The following KREMEN1 variants were observed in gnomAD, a reference collection of about 807,000 sequenced individuals.
KREMEN1 encodes kremen protein 1.
A neutral mutation model predicts 46.5 loss-of-function variants in KREMEN1; 30 were observed. The ratio of observed to expected loss-of-function variants is 0.65; its 90% CI spans 0.48 to 0.88. KREMEN1 has a LOEUF of 0.88. Among genes scored for constraint, KREMEN1 ranks in the 40% least tolerant of loss-of-function variants. KREMEN1 has a pLI of 0.00. For synonymous variants in KREMEN1, 214 were observed against 230.6 expected, an observed-to-expected ratio of 0.93 and a Z score of 0.65; for missense variants, 533 against 596.9, an observed-to-expected ratio of 0.89 and a Z score of 1.11.
rs549353374 is a variant in KREMEN1, at chr22:29,144,582, T to C, written c.*2470T>C. Reference sequence around the variant, plus strand: ...AACACGTGCAGTCTCCCCTCCAAGCTATTCATGCTGTTTGTGGAATCTCTC... The same window carrying C: ...AACACGTGCAGTCTCCCCTCCAAGCCATTCATGCTGTTTGTGGAATCTCTC... On this transcript the variant is annotated 3_prime_UTR_variant, in exon 9 of 9. Transcript: ENST00000400335. 3 of 985,434 alleles carry C rather than the reference T, an allele frequency of 3.0e-6. No individual in the cohort carries two copies. Among genetic ancestry groups the C allele is most frequent in the African/African-American group, 3.5e-5 (2 of 57,254 alleles). 61.0% of individuals were successfully genotyped at this position (985,434 alleles called of 1,614,324 possible).
chr22:29,131,769 T>C (rs913795892), intron 5 of KREMEN1, among the ~76,000 whole-genome samples: 7 of 127,580 alleles, frequency 5.5e-5, no homozygotes, highest in African/African-American at 2.0e-4. Flanking sequence ...TATATATATG[T>C]ATATATATAT....
At chr22:29,166,049 C>T (rs1203359857) in intron 9 of KREMEN1, among the ~76,000 whole-genome samples, 3 of 152,166 alleles carry the variant, frequency 2.0e-5, no homozygotes, top group Non-Finnish European at 4.4e-5. Context: ...AGACCTATCC[C>T]CTCACCACAC....
intron 3 of KREMEN1, among the ~76,000 whole-genome samples, chr22:29,110,581 G>C (rs1387190520): frequency 6.6e-6 from 1 of 152,188 alleles, no homozygotes; most frequent in Non-Finnish European, 1.5e-5. Flanking sequence ...AGGATTTTTA[G>C]GAACTCTTAC....
rs2038424920 is a variant in KREMEN1 at position 29,125,346 on chromosome 22, A to G, written c.561A>G (p.Glu187=). The part of the protein sequence containing the change: ...YWKYGEAAST[E]CNSVCFGDHT... ...AGTACGGGGAGGCAGCCAGTACCGA[A>G]TGCAACAGCGTCTGCTTCGGGGATC... Residue 187 remains glutamate (E), a synonymous_variant, in exon 5 of 9, where the codon GAA becomes GAG. Transcript: ENST00000400335. 6.2e-7 allele frequency: 1 copy of G among 1,614,146 alleles called. No individual in the cohort carries two copies. The highest frequency in any genetic ancestry group is 1.3e-5 in the African/African-American group (1 of 75,028).
chr22:29,076,466 C>T (rs1212899661), intron 1 of KREMEN1, among the ~76,000 whole-genome samples: 2 of 152,202 alleles, frequency 1.3e-5, no homozygotes, highest in Non-Finnish European at 2.9e-5. Context: ...TACTTGCATA[C>T]TCTGAGTATT....
At chr22:29,097,966 G>T (rs2037908098) in intron 2 of KREMEN1, among the ~76,000 whole-genome samples, 1 of 152,148 alleles carries the variant, frequency 6.6e-6, no homozygotes, top group Non-Finnish European at 1.5e-5. Flanking sequence ...CAGATCACTT[G>T]AGGTCAGGAG....
chr22:29,148,011 A>G (rs1217056419), downstream of KREMEN1, among the ~76,000 whole-genome samples: 1 of 152,108 alleles, frequency 6.6e-6, no homozygotes, highest in Non-Finnish European at 1.5e-5. Flanking sequence ...TTCATTCTAG[A>G]ATAGAGGTGG....
At chr22:29,102,785 C>A (rs1159402416) in intron 3 of KREMEN1, among the ~76,000 whole-genome samples, 1 of 152,112 alleles carries the variant, frequency 6.6e-6, no homozygotes, top group African/African-American at 2.4e-5. Flanking sequence ...CTTGATAACC[C>A]TCTAAAATCT....
At chr22:29,160,539 C>CAAAA (rs132303) in intron 9 of KREMEN1, among the ~76,000 whole-genome samples, 15 of 103,508 alleles carry the variant, frequency 1.4e-4, no homozygotes, top group Non-Finnish European at 2.6e-4. Context: ...GACTCCGTCT[C>CAAAA]AAAAAAAAAA....
At chr22:29,090,037 A>G (rs1278701101) in intron 1 of KREMEN1, among the ~76,000 whole-genome samples, 1 of 152,246 alleles carries the variant, frequency 6.6e-6, no homozygotes, top group Non-Finnish European at 1.5e-5. Context: ...TCAGTTTATT[A>G]TAAACATGTA....
intron 1 of KREMEN1, among the ~76,000 whole-genome samples, chr22:29,083,202 T>C (rs2037682793): frequency 6.6e-6 from 1 of 152,256 alleles, no homozygotes; most frequent in Admixed American, 6.5e-5. Context: ...TAGATTTATT[T>C]GTGCTCACAT....
rs780940393 is a variant in KREMEN1 at position 29,142,821 on chromosome 22, G to C, written c.*709G>C. 1.1e-5 allele frequency: 11 copies of C among 985,482 alleles called. No homozygotes were observed. The highest frequency in any genetic ancestry group is 1.3e-5 in the Non-Finnish European group (11 of 829,962). The allele number at this position is 985,482 out of a possible 1,614,324, so 61.0% of individuals were successfully genotyped here. On this transcript the variant is annotated 3_prime_UTR_variant, in exon 9 of 9. Transcript: ENST00000400335. Reference sequence around the variant, plus strand: ...GATTCTTCTTTCCATAGCTCATGGAGCTGCAGGGAAAGCTTTAAGAGCTTT... The same window carrying C: ...GATTCTTCTTTCCATAGCTCATGGACCTGCAGGGAAAGCTTTAAGAGCTTT...
At chr22:29,147,320 C>T (rs1242674099), downstream of KREMEN1, among the ~76,000 whole-genome samples, 1 of 152,220 alleles carries the variant, frequency 6.6e-6, no homozygotes, top group Non-Finnish European at 1.5e-5. Context: ...TTGCCCCACA[C>T]TTTCCTTCTT....
Position 29,121,371 on chromosome 22 carries a change from G to C in KREMEN1, c.367G>C (p.Gly123Arg). ...TTTTTCTTTAGTGCCTGGAAACCTT[G>C]GCTGCTACAAGGATCATGGAAACCC... ...IPACQMPGNL[G>R]CYKDHGNPPP... is the part of the protein sequence containing the mutation. The change falls in exon 4 of 9, where the codon GGC becomes CGC. Residue 123 changes from glycine (G) to arginine (R), a missense_variant. Coordinates refer to ENST00000400335, the MANE Select transcript of KREMEN1 (RefSeq NM_001039570.3). The C allele has an allele frequency of 6.2e-7, 1 of 1,613,754 alleles. No individual in the cohort carries two copies. Among genetic ancestry groups the C allele is most frequent in the Non-Finnish European group, 8.5e-7 (1 of 1,179,896 alleles).
At chr22:29,139,216 C>G (rs1192941771) in intron 7 of KREMEN1, among the ~76,000 whole-genome samples, 1 of 152,130 alleles carries the variant, frequency 6.6e-6, no homozygotes, top group Non-Finnish European at 1.5e-5. Flanking sequence ...TAGAGTGAAC[C>G]AAACACAACC....
Position 29,121,791 on chromosome 22 carries a change from A to G in KREMEN1, c.477+310A>G, listed in dbSNP as rs372804897. ...TGCACAACACAGTGACTATACCAAT[A>G]ACCACTGAAATATACACTGAAACAG... On this transcript the variant is annotated intron_variant, in intron 4 of 8. Coordinates refer to ENST00000400335, the MANE Select transcript of KREMEN1 (RefSeq NM_001039570.3). 2.3e-3 allele frequency among the ~76,000 whole-genome samples: 352 copies of G among 152,362 alleles called. 4 individuals are homozygous for G. The highest frequency in any genetic ancestry group is 0.01 in the Middle Eastern group (3 of 294).
intron 1 of KREMEN1, among the ~76,000 whole-genome samples, chr22:29,093,942 AGGG>A (rs2037838831): frequency 6.6e-6 from 1 of 152,208 alleles, no homozygotes; most frequent in Admixed American, 6.5e-5. Context: ...TCCCAGATTT[AGGG>A]GTTTCCTGGT....
chr22:29,116,710 C>G (rs988561073), intron 3 of KREMEN1, among the ~76,000 whole-genome samples: 1 of 152,088 alleles, frequency 6.6e-6, no homozygotes, highest in Non-Finnish European at 1.5e-5. Context: ...AGTAAATGAC[C>G]AAGATGATCA....
chr22:29,076,115 C>CTGGAATTTA (rs1432200427), intron 1 of KREMEN1, among the ~76,000 whole-genome samples: 1 of 152,186 alleles, frequency 6.6e-6, no homozygotes, highest in East Asian at 1.9e-4. Context: ...TAGGTCCCAT[C>CTGGAATTTA]TGGAATTTAT....
Sources: allele counts gnomAD v4.1 joint callset (sites outside exome capture counted in the v4.1 genomes callset), GRCh38; gene constraint gnomAD v4.1.1; transcripts MANE v1.5; gene names NCBI Gene and HGNC (gene_info 2026-07-23, HGNC 2026-07-21).